Variants in RORA observed in about 807,000 individuals in gnomAD.
The protein encoded by RORA is RAR related orphan receptor A, also known as nuclear receptor ROR-alpha.
RORA carries 7 observed loss-of-function variants against 69.5 expected under a neutral mutation model. The observed-to-expected ratio is 0.10, with a 90% confidence interval of 0.06 to 0.19. RORA has a LOEUF of 0.19. Ranked by LOEUF, RORA falls within the 10% of genes least tolerant of loss-of-function variation. The pLI is 1.00. For missense variants in RORA, 457 were observed against 663.0 expected (o/e 0.69, Z 3.41); for synonymous variants, 261 against 240.8 (o/e 1.08, Z -0.78).
intron 1 of RORA, among the ~76,000 whole-genome samples, chr15:60,827,689 T>C (rs1181019069): frequency 1.3e-5 from 2 of 152,036 alleles, no homozygotes; most frequent in Non-Finnish European, 2.9e-5. Context: ...TCCTGAGGAA[T>C]CTGGGTTGGG....
In RORA at chr15:60,885,047, G is replaced by A. The variant is rs143667651; in HGVS notation, c.167-206361C>T. ...TTTCATTTCATTCTATGAAAACAGC[G>A]TATATGACTGTAGTAGATTAAAGAT... On this transcript the variant is annotated intron_variant, in intron 1 of 10. Coordinates refer to ENST00000335670, the MANE Select transcript of RORA (RefSeq NM_134261.3). Among the ~76,000 whole-genome samples the A allele has an allele frequency of 2.8e-3, 433 of 152,288 alleles. 2 individuals carry two copies. The highest frequency in any genetic ancestry group is 4.6e-3 in the Non-Finnish European group (315 of 68,032).
chr15:61,187,386 C>T (rs753440310), intron 1 of RORA, among the ~76,000 whole-genome samples: 2 of 152,186 alleles, frequency 1.3e-5, no homozygotes, highest in Non-Finnish European at 2.9e-5. Context: ...CAAAGAGACT[C>T]GGATCCTTAC....
At chr15:60,617,201 C>T (rs766076660) in intron 2 of RORA, among the ~76,000 whole-genome samples, 1 of 152,150 alleles carries the variant, frequency 6.6e-6, no homozygotes, top group Non-Finnish European at 1.5e-5. Context: ...TCACAGAACC[C>T]ATCACAGTGC....
At chr15:60,888,626 T>C (rs1282507400) in intron 1 of RORA, among the ~76,000 whole-genome samples, 1 of 152,180 alleles carries the variant, frequency 6.6e-6, no homozygotes, top group African/African-American at 2.4e-5. Context: ...GCCCTACACA[T>C]GGCATTTCTG....
intron 1 of RORA, among the ~76,000 whole-genome samples, chr15:60,852,580 T>C (rs189734775): frequency 2.0e-5 from 3 of 152,354 alleles, no homozygotes; most frequent in African/African-American, 7.2e-5. Context: ...GAAAAAAAGC[T>C]ATCTGAGGAA....
intron 1 of RORA, among the ~76,000 whole-genome samples, chr15:61,005,681 G>A (rs1218826918): frequency 6.6e-6 from 1 of 151,988 alleles, no homozygotes; most frequent in Non-Finnish European, 1.5e-5. Context: ...AAATGTACTT[G>A]CATTACTTAA....
chr15:61,103,368 G>C (rs891198996), intron 1 of RORA, among the ~76,000 whole-genome samples: 5 of 152,174 alleles, frequency 3.3e-5, no homozygotes, highest in African/African-American at 1.2e-4. Context: ...GGACCTCATT[G>C]CTCCTACTAC....
intron 1 of RORA, among the ~76,000 whole-genome samples, chr15:60,853,829 C>A (rs553115687): frequency 1.3e-5 from 2 of 152,262 alleles, no homozygotes; most frequent in Admixed American, 6.5e-5. Flanking sequence ...ATTTGATGGA[C>A]AATATTATAA....
At chr15:60,916,677 T>C (rs941717725) in intron 1 of RORA, among the ~76,000 whole-genome samples, 2 of 152,070 alleles carry the variant, frequency 1.3e-5, no homozygotes, top group Non-Finnish European at 2.9e-5. Flanking sequence ...TCAGAAAAGG[T>C]GATAGGTGAG....
rs571179850 is a variant in RORA at position 60,993,692 on chromosome 15, T to C, written c.166+235361A>G. ...GACCTGGGATCTACCTTAAATGTTGTAGATACATTGTTATGATCAGTACCG... is the reference window on the plus strand; with the variant it reads ...GACCTGGGATCTACCTTAAATGTTGCAGATACATTGTTATGATCAGTACCG... On this transcript the variant is annotated intron_variant, in intron 1 of 10. Coordinates refer to ENST00000335670, the MANE Select transcript of RORA (RefSeq NM_134261.3). 2.7e-5 allele frequency among the ~76,000 whole-genome samples: 4 copies of C among 150,750 alleles called. No homozygotes were observed. The East Asian group carries it at 5.8e-4, about 22-fold the overall frequency.
intron 1 of RORA, among the ~76,000 whole-genome samples, chr15:61,121,811 T>C (rs983373553): frequency 1.0e-4 from 13 of 125,072 alleles, no homozygotes; most frequent in Non-Finnish European, 1.8e-4. Context: ...CCCTTAGCAA[T>C]GTAACTGCCA....
chr15:61,004,639 C>G (rs1181164771), intron 1 of RORA, among the ~76,000 whole-genome samples: 1 of 152,136 alleles, frequency 6.6e-6, no homozygotes, highest in Non-Finnish European at 1.5e-5. Context: ...CACATACACA[C>G]CCGTTCTAGG....
rs575456657 is a variant in RORA, at chr15:60,891,652, C to T, written c.167-212966G>A. 1.8e-4 allele frequency among the ~76,000 whole-genome samples: 27 copies of T among 152,344 alleles called. No individual in the cohort carries two copies. The East Asian group carries it at 4.8e-3, about 27-fold the overall frequency. On this transcript the variant is annotated intron_variant, in intron 1 of 10. Coordinates refer to ENST00000335670, the MANE Select transcript of RORA (RefSeq NM_134261.3). ...AACTGCACCTCCAAAGCCTGTCCTCCAGTGCCCACTCTGCTCTGGCCTCTG... is the reference window on the plus strand; with the variant it reads ...AACTGCACCTCCAAAGCCTGTCCTCTAGTGCCCACTCTGCTCTGGCCTCTG...
At chr15:60,775,564 G>C (rs1256445851) in intron 1 of RORA, among the ~76,000 whole-genome samples, 1 of 152,162 alleles carries the variant, frequency 6.6e-6, no homozygotes, top group Non-Finnish European at 1.5e-5. Flanking sequence ...TAAGCTTTAA[G>C]ATCTCTTTTC....
chr15:61,028,879 T>C (rs1430814961), intron 1 of RORA, among the ~76,000 whole-genome samples: 1 of 152,160 alleles, frequency 6.6e-6, no homozygotes, highest in Non-Finnish European at 1.5e-5. Context: ...TGCCACAGTA[T>C]TGTATGATTC....
intron 1 of RORA, among the ~76,000 whole-genome samples, chr15:61,175,837 G>C (rs1430776234): frequency 6.6e-6 from 1 of 152,112 alleles, no homozygotes; most frequent in Non-Finnish European, 1.5e-5. Flanking sequence ...CTCTGAGTTG[G>C]GCTTGTCTTC....
At chr15:60,929,272 C>A (rs749057551) in intron 1 of RORA, among the ~76,000 whole-genome samples, 4 of 152,206 alleles carry the variant, frequency 2.6e-5, no homozygotes, top group Admixed American at 6.5e-5. Context: ...GGTCCCTCCT[C>A]CTCCAGCCCT....
At chr15:60,977,513 A>G (rs940204126) in intron 1 of RORA, among the ~76,000 whole-genome samples, 5 of 152,168 alleles carry the variant, frequency 3.3e-5, no homozygotes, top group African/African-American at 4.8e-5. Flanking sequence ...TATACAATTC[A>G]ATAGTTTTTG....
chr15:60,745,585 A>G (rs1197934725), intron 1 of RORA, among the ~76,000 whole-genome samples: 1 of 152,234 alleles, frequency 6.6e-6, no homozygotes, highest in Non-Finnish European at 1.5e-5. Context: ...GGCCCAAAGC[A>G]GCACCAGGAT....
Sources: gnomAD v4.1 joint callset for allele counts (sites outside exome capture counted in the v4.1 genomes callset) on GRCh38, gnomAD v4.1.1 for gene constraint, MANE v1.5 for transcripts, NCBI Gene and HGNC (gene_info 2026-07-23, HGNC 2026-07-21) for gene names.